MAN1A1: variants seen among roughly 807,000 people sequenced by gnomAD.
MAN1A1 encodes mannosidase alpha class 1A member 1, also known as mannosyl-oligosaccharide 1,2-alpha-mannosidase IA.
MAN1A1 carries 29 observed loss-of-function variants against 70.8 expected under a neutral mutation model. The ratio of observed to expected loss-of-function variants is 0.41; its 90% confidence interval spans 0.31 to 0.56. The LOEUF is 0.56. MAN1A1 is among the 20% of genes least tolerant of loss of function. MAN1A1 has a pLI of 0.29. For missense variants in MAN1A1, 747 were observed against 841.3 expected, an observed-to-expected ratio of 0.89 and a Z score of 1.39; for synonymous variants, 349 against 330.1, an observed-to-expected ratio of 1.06 and a Z score of -0.62.
At position 119,337,017 on chromosome 6, in the gene MAN1A1, C is replaced by T. The variant is rs1046012457; in HGVS notation, c.603+11446G>A. The stretch of plus-strand genomic sequence containing the variant: ...AATAAAATAACAGAATCTTTATATT[C>T]GAGTGTTGACCTTTAAAGGAATCTC... On this transcript the variant is annotated intron_variant, in intron 2 of 12. Coordinates refer to ENST00000368468, the MANE Select transcript of MAN1A1 (RefSeq NM_005907.4). Among the ~76,000 whole-genome samples, 8 of 152,082 alleles carry T rather than the reference C, an allele frequency of 5.3e-5. No homozygotes were observed. The East Asian group carries it at 1.2e-3, about 22-fold the overall frequency.
At chr6:119,285,649 A>G (rs1279272656) in intron 5 of MAN1A1, among the ~76,000 whole-genome samples, 1 of 142,992 alleles carries the variant, frequency 7.0e-6, no homozygotes, top group African/African-American at 2.6e-5. Context: ...TGATATCTCT[A>G]CTTTCTGGAT....
intron 5 of MAN1A1, among the ~76,000 whole-genome samples, chr6:119,279,364 TC>T: frequency 6.6e-6 from 1 of 152,288 alleles, no homozygotes; most frequent in Middle Eastern, 3.4e-3. Flanking sequence ...CATGCCTTTC[TC>T]TCTGTGTTAC....
At chr6:119,300,519 G>A (rs1772363056) in intron 4 of MAN1A1, among the ~76,000 whole-genome samples, 1 of 152,122 alleles carries the variant, frequency 6.6e-6, no homozygotes, top group African/African-American at 2.4e-5. Context: ...CTCCCAAAGT[G>A]CTGGGATTAC....
intron 2 of MAN1A1, among the ~76,000 whole-genome samples, chr6:119,312,248 G>C (rs1772730334): frequency 6.6e-6 from 1 of 152,138 alleles, no homozygotes; most frequent in Admixed American, 6.5e-5. Context: ...TTGATGCTTT[G>C]AAAAACAGTG....
intron 6 of MAN1A1, among the ~76,000 whole-genome samples, chr6:119,217,596 C>G (rs1204598010): frequency 6.6e-6 from 1 of 152,186 alleles, no homozygotes; most frequent in Non-Finnish European, 1.5e-5. Context: ...GAGAAGTATA[C>G]CTGTTTATGA....
chr6:119,337,053 A>G lies in MAN1A1; in HGVS notation c.603+11410T>C, dbSNP rs148122718. On this transcript the variant is annotated intron_variant, in intron 2 of 12. Transcript: ENST00000368468. ...CTTTAAAGGAATCTCACAATCATCT[A>G]CATTTATTTCAGCAGTGTTGTATTT... is the stretch of plus-strand genomic sequence containing the variant. Among the ~76,000 whole-genome samples the G allele has an allele frequency of 1.2e-3, 190 of 152,306 alleles. 1 individual carries two copies. The highest frequency in any genetic ancestry group is 4.4e-3 in the African/African-American group (182 of 41,572).
At chr6:119,225,942 G>GA (rs146038874) in intron 6 of MAN1A1, among the ~76,000 whole-genome samples, 4,255 of 152,172 alleles carry the variant, frequency 0.028, 94 homozygotes, top group Non-Finnish European at 0.045. Flanking sequence ...AGCTACAGAG[G>GA]AAAAAACTAA....
At chr6:119,267,518 T>C (rs940927223) in intron 5 of MAN1A1, among the ~76,000 whole-genome samples, 2 of 152,208 alleles carry the variant, frequency 1.3e-5, no homozygotes, top group Non-Finnish European at 2.9e-5. Context: ...TTTCAAAATA[T>C]TTTTAATTAA....
At chr6:119,311,600 G>A (rs1772703187) in intron 2 of MAN1A1, among the ~76,000 whole-genome samples, 1 of 152,156 alleles carries the variant, frequency 6.6e-6, no homozygotes, top group South Asian at 2.1e-4. Context: ...CACACAACAA[G>A]CTTTAATGAG....
intron 5 of MAN1A1, among the ~76,000 whole-genome samples, chr6:119,265,091 GC>G (rs371122950): frequency 1.7e-5 from 2 of 119,332 alleles, no homozygotes; most frequent in African/African-American, 3.2e-5. Context: ...TCTTTTAAGT[GC>G]CTTTTTTAAA....
chr6:119,293,040 T>C (rs1200192185), intron 4 of MAN1A1, among the ~76,000 whole-genome samples: 2 of 152,104 alleles, frequency 1.3e-5, no homozygotes, highest in Non-Finnish European at 2.9e-5. Flanking sequence ...TTTCAGTTTT[T>C]AAACCTGGTA....
At chr6:119,288,050 C>T (rs1338853833) in intron 5 of MAN1A1, among the ~76,000 whole-genome samples, 3 of 151,602 alleles carry the variant, frequency 2.0e-5, no homozygotes, top group Non-Finnish European at 4.4e-5. Context: ...ACTACAGGTA[C>T]TTCATGTTTC....
At chr6:119,237,725 T>C (rs1451305554) in intron 6 of MAN1A1, among the ~76,000 whole-genome samples, 6 of 152,172 alleles carry the variant, frequency 3.9e-5, no homozygotes, top group Non-Finnish European at 8.8e-5. Context: ...TCCTCAACTT[T>C]CTAGGTCCTG....
chr6:119,300,169 C>T (rs7743728), intron 4 of MAN1A1, among the ~76,000 whole-genome samples: 57,141 of 151,646 alleles, frequency 0.38, 11,186 homozygotes, highest in Non-Finnish European at 0.41. Flanking sequence ...CGGTTTCATA[C>T]ATAGCTAAAG....
In MAN1A1 at chr6:119,250,640, T is replaced by TTC. The variant is rs200102344; in HGVS notation, c.898-2288_898-2287dup. Among the ~76,000 whole-genome samples the TTC allele has an allele frequency of 1.5e-3, 160 of 105,278 alleles. No homozygotes were observed. In the South Asian group the frequency reaches 0.019, roughly 12 times the overall value. 69.1% of individuals were successfully genotyped at this position (105,278 alleles called of 152,430 possible). A position where few individuals can be genotyped will look rare whatever the true frequency, so the allele number is the denominator to read the frequency against. On this transcript the variant is annotated intron_variant, in intron 5 of 12. Transcript: ENST00000368468. ...TACTTATTCAGACTCCTCTCTCTTG[T>TTC]TCTCTCTCTGTGTGTGTGTGTGTGT...
At chr6:119,333,829 T>A (rs1449873221) in intron 2 of MAN1A1, among the ~76,000 whole-genome samples, 3 of 152,236 alleles carry the variant, frequency 2.0e-5, no homozygotes, top group South Asian at 2.1e-4. Context: ...CCCTTCTAAA[T>A]GTCTAAATTC....
At chr6:119,299,746 C>A (rs1310692831) in intron 4 of MAN1A1, among the ~76,000 whole-genome samples, 1 of 152,146 alleles carries the variant, frequency 6.6e-6, no homozygotes, top group East Asian at 1.9e-4. Context: ...TTTCCTTCTC[C>A]CAAGTCTCCA....
intron 5 of MAN1A1, among the ~76,000 whole-genome samples, chr6:119,284,889 T>A (rs796219573): frequency 7.9e-4 from 120 of 152,318 alleles, no homozygotes; most frequent in African/African-American, 2.8e-3. Flanking sequence ...TTGTAAAGAA[T>A]TTAATTACTA....
chr6:119,272,674 G>A (rs1168298132), intron 5 of MAN1A1, among the ~76,000 whole-genome samples: 1 of 152,088 alleles, frequency 6.6e-6, no homozygotes, highest in African/African-American at 2.4e-5. Context: ...GATTAGAAAT[G>A]CTCAATTTTT....
Sources: allele counts gnomAD v4.1 joint callset (sites outside exome capture counted in the v4.1 genomes callset), GRCh38; gene constraint gnomAD v4.1.1; transcripts MANE v1.5; gene names NCBI Gene and HGNC (gene_info 2026-07-23, HGNC 2026-07-21).